CACNA1D: variants seen among roughly 807,000 people sequenced by gnomAD.
CACNA1D encodes the protein calcium voltage-gated channel subunit alpha1 D.
A neutral mutation model predicts 257.1 loss-of-function variants in CACNA1D; 55 were observed. The observed-to-expected ratio is 0.21, with a 90% CI of 0.17 to 0.27. The LOEUF (loss-of-function observed/expected upper bound fraction) is 0.27, where lower values mean the gene tolerates loss of function less well. CACNA1D is among the 10% of genes least tolerant of loss of function. The pLI, the probability that CACNA1D is intolerant of heterozygous loss-of-function variation, is 1.00. For synonymous variants in CACNA1D, 980 were observed against 1,014.9 expected (o/e 0.97, Z 0.65); for missense variants, 1,876 against 2,784.0 (o/e 0.67, Z 7.34).
intron 3 of CACNA1D, among the ~76,000 whole-genome samples, chr3:53,623,399 T>C (rs1457596282): frequency 6.6e-6 from 1 of 152,164 alleles, no homozygotes; most frequent in Admixed American, 6.5e-5. Context: ...ATAAGATAGA[T>C]TGATGGATGG....
At chr3:53,516,547 C>G (rs1406477017) in intron 3 of CACNA1D, among the ~76,000 whole-genome samples, 1 of 152,226 alleles carries the variant, frequency 6.6e-6, no homozygotes, top group Non-Finnish European at 1.5e-5. Context: ...AGAAAGGCCT[C>G]CTGCTGAGAC....
chr3:53,530,853 C>CTT (rs796208502), intron 3 of CACNA1D, among the ~76,000 whole-genome samples: 1 of 146,816 alleles, frequency 6.8e-6, no homozygotes, highest in African/African-American at 2.5e-5. Context: ...TCCTCCTTTT[C>CTT]TTTTTTTTTT....
chr3:53,569,729 T>C (rs1229255236), intron 3 of CACNA1D, among the ~76,000 whole-genome samples: 1 of 152,258 alleles, frequency 6.6e-6, no homozygotes, highest in African/African-American at 2.4e-5. Flanking sequence ...ATGTATTCTT[T>C]ATCATTGATT....
At chr3:53,684,401 C>T (rs1433176511) in intron 8 of CACNA1D, among the ~76,000 whole-genome samples, 5 of 152,110 alleles carry the variant, frequency 3.3e-5, no homozygotes, top group African/African-American at 4.8e-5. Context: ...GCAGGCAGAT[C>T]ACCTGAGGTG....
chr3:53,738,422 G>A (rs2095080272), intron 20 of CACNA1D, among the ~76,000 whole-genome samples: 1 of 152,176 alleles, frequency 6.6e-6, no homozygotes, highest in Admixed American at 6.5e-5. Context: ...GTTAGAGAGG[G>A]TTTAGTTGCT....
intron 4 of CACNA1D, among the ~76,000 whole-genome samples, chr3:53,656,333 A>G (rs566391809): frequency 6.6e-6 from 1 of 152,286 alleles, no homozygotes; most frequent in Admixed American, 6.5e-5. Flanking sequence ...TGGTGGTTTG[A>G]TAGGAATAAC....
At chr3:53,525,149 C>T (rs949363206) in intron 3 of CACNA1D, among the ~76,000 whole-genome samples, 1 of 152,150 alleles carries the variant, frequency 6.6e-6, no homozygotes, top group South Asian at 2.1e-4. Context: ...TATGTCTTAT[C>T]CTTACTCGAG....
intron 3 of CACNA1D, among the ~76,000 whole-genome samples, chr3:53,520,063 G>A (rs1480641083): frequency 6.6e-6 from 1 of 152,202 alleles, no homozygotes; most frequent in Admixed American, 6.5e-5. Flanking sequence ...GAACATTTGA[G>A]TGTTTTCCCC....
chr3:53,753,146 T>A (rs1043646940), intron 28 of CACNA1D, among the ~76,000 whole-genome samples: 19 of 152,208 alleles, frequency 1.2e-4, no homozygotes, highest in African/African-American at 4.6e-4. Context: ...TGTGCTGACG[T>A]AGAAGAAAGT....
intron 8 of CACNA1D, among the ~76,000 whole-genome samples, chr3:53,674,751 C>A (rs914893993): frequency 6.6e-6 from 1 of 152,178 alleles, no homozygotes; most frequent in African/African-American, 2.4e-5. Context: ...CTTCATACAG[C>A]CATTGCCGGG....
At position 53,576,444 on chromosome 3, in the gene CACNA1D, CAG is replaced by C. The variant is rs372566244; in HGVS notation, c.484-74332_484-74331del. ...TGCAGAATTACTCGAGGCCATTGAG[CAG>C]AGTCATTGCTTTCTGTAATGTTTTC... is the stretch of plus-strand genomic sequence containing the variant. On this transcript the variant is annotated intron_variant, in intron 3 of 47. Coordinates refer to ENST00000350061, the MANE Select transcript of CACNA1D (RefSeq NM_001128840.3). Among the ~76,000 whole-genome samples the C allele has an allele frequency of 2.1e-4, 32 of 152,304 alleles. 1 individual carries two copies. The East Asian group carries it at 3.5e-3, about 17-fold the overall frequency.
rs772163939 is a variant in CACNA1D, at chr3:53,811,457, C to G, written c.*51C>G. On this transcript the variant is annotated 3_prime_UTR_variant, in exon 48 of 48. Transcript: ENST00000350061. The surrounding 1 kb of genome is among the most constrained non-coding windows in gnomAD (Gnocchi z 4.2). ...TGGCCTCAGGTGGGGCGCAGGAGAG[C>G]CAGGGGAAAAGTGCCTCATAGTTAG... 6.9e-7 allele frequency: 1 copy of G among 1,459,412 alleles called. No individual in the cohort carries two copies. The highest frequency in any genetic ancestry group is 9.1e-7 in the Non-Finnish European group (1 of 1,093,830). 90.4% of individuals were successfully genotyped at this position (1,459,412 alleles called of 1,614,324 possible).
At chr3:53,702,842 C>G (rs771966273) in intron 9 of CACNA1D, 32 bp downstream of exon 9, 2 of 1,613,056 alleles carry the variant, frequency 1.2e-6, no homozygotes, top group South Asian at 2.2e-5. Flanking sequence ...CCTGGCTAGA[C>G]AGACCCAGTG....
At chr3:53,706,341 T>C (rs568437511) in intron 9 of CACNA1D, among the ~76,000 whole-genome samples, 2 of 152,210 alleles carry the variant, frequency 1.3e-5, no homozygotes, top group South Asian at 4.1e-4. Context: ...GTCTGTGAGC[T>C]CACAGGAGGC....
intron 3 of CACNA1D, among the ~76,000 whole-genome samples, chr3:53,578,455 T>C (rs709319): frequency 0.85 from 128,854 of 152,112 alleles, 54,651 homozygotes; most frequent in African/African-American, 0.87. Flanking sequence ...ATTGCTCTAT[T>C]CAAGGAAGAA....
chr3:53,594,104 C>T (rs570958460), intron 3 of CACNA1D, among the ~76,000 whole-genome samples: 4 of 152,260 alleles, frequency 2.6e-5, no homozygotes, highest in East Asian at 3.9e-4. Context: ...CACGTGTGTC[C>T]GTGTGTGTAA....
chr3:53,553,249 C>T (rs2092571246), intron 3 of CACNA1D, among the ~76,000 whole-genome samples: 4 of 152,204 alleles, frequency 2.6e-5, no homozygotes, highest in South Asian at 2.1e-4. Context: ...TCCTAATTTC[C>T]GTGACTAATG....
chr3:53,687,108 C>A (rs1176875921), intron 8 of CACNA1D, among the ~76,000 whole-genome samples: 1 of 151,940 alleles, frequency 6.6e-6, no homozygotes, highest in Non-Finnish European at 1.5e-5. Flanking sequence ...CTGAAAACTA[C>A]AAAACACTGA....
At chr3:53,737,370 C>T (rs2095068862) in intron 20 of CACNA1D, among the ~76,000 whole-genome samples, 1 of 152,138 alleles carries the variant, frequency 6.6e-6, no homozygotes, top group Non-Finnish European at 1.5e-5. Context: ...TTTACTTGAC[C>T]TTGGGTATCT....
Sources: gnomAD v4.1 joint callset for allele counts (sites outside exome capture counted in the v4.1 genomes callset) on GRCh38, gnomAD v4.1.1 for gene constraint, Gnocchi (gnomAD v3.1) non-coding constraint, MANE v1.5 for transcripts, NCBI Gene and HGNC (gene_info 2026-07-23, HGNC 2026-07-21) for gene names.